Variants in MYO5A observed in about 807,000 individuals in gnomAD.
The protein encoded by MYO5A is myosin VA.
In MYO5A, 98 loss-of-function variants were observed where a neutral mutation model predicts 249.7. That is an observed-to-expected ratio of 0.39 (90% confidence interval 0.33 to 0.46). The LOEUF (loss-of-function observed/expected upper bound fraction) is 0.46, where lower values mean the gene tolerates loss of function less well. Among genes scored for constraint, MYO5A ranks in the 20% least tolerant of loss-of-function variants. The pLI is 0.98. For synonymous variants in MYO5A, 778 were observed against 810.6 expected, an observed-to-expected ratio of 0.96 and a Z score of 0.68; for missense variants, 1,696 against 2,308.8, an observed-to-expected ratio of 0.73 and a Z score of 5.44.
At chr15:52,411,028 TCA>T (rs2043225363) in intron 5 of MYO5A, among the ~76,000 whole-genome samples, 2 of 152,250 alleles carry the variant, frequency 1.3e-5, no homozygotes, top group African/African-American at 4.8e-5. Flanking sequence ...AGACCTGAAC[TCA>T]GAGGTTAGAA....
chr15:52,472,047 G>A (rs191096218), intron 1 of MYO5A, among the ~76,000 whole-genome samples: 1 of 151,536 alleles, frequency 6.6e-6, no homozygotes, highest in East Asian at 1.9e-4. Context: ...CTGCCTCTTG[G>A]TCGGCAGAAG....
intron 9 of MYO5A, among the ~76,000 whole-genome samples, chr15:52,401,864 G>A (rs1318237792): frequency 6.6e-6 from 1 of 152,068 alleles, no homozygotes; most frequent in Non-Finnish European, 1.5e-5. Flanking sequence ...GTCCTATCTT[G>A]CATTTTGGAC....
chr15:52,396,782 T>C (rs1163837172), intron 10 of MYO5A, among the ~76,000 whole-genome samples: 2 of 152,128 alleles, frequency 1.3e-5, no homozygotes, highest in African/African-American at 4.8e-5. Context: ...GGAACAGAGA[T>C]CCTACAGGTT....
chr15:52,449,742 G>A (rs943274340), intron 1 of MYO5A, among the ~76,000 whole-genome samples: 13 of 152,180 alleles, frequency 8.5e-5, no homozygotes, highest in Non-Finnish European at 1.9e-4. Context: ...GCTCATGCCT[G>A]TAATCCCAGC....
intron 1 of MYO5A, among the ~76,000 whole-genome samples, chr15:52,519,820 TC>T (rs909568274): frequency 6.6e-6 from 1 of 151,890 alleles, no homozygotes; most frequent in Non-Finnish European, 1.5e-5. Flanking sequence ...AACCTCTGCT[TC>T]CCGGGTTCAA....
intron 1 of MYO5A, among the ~76,000 whole-genome samples, chr15:52,518,666 T>A (rs1286542518): frequency 6.6e-6 from 1 of 152,212 alleles, no homozygotes; most frequent in Non-Finnish European, 1.5e-5. Flanking sequence ...ATCATATCTT[T>A]AAAGGAATAT....
At chr15:52,515,009 G>A (rs1191164621) in intron 1 of MYO5A, among the ~76,000 whole-genome samples, 3 of 152,168 alleles carry the variant, frequency 2.0e-5, no homozygotes, top group African/African-American at 7.2e-5. Flanking sequence ...TGAGTATGGT[G>A]GCTCACACCT....
chr15:52,403,326 A>C lies in MYO5A; in HGVS notation c.1053+1961T>G, dbSNP rs564518088. The stretch of plus-strand genomic sequence containing the variant: ...AGGTGAAACAACTCAAATATCCAAC[A>C]ATCAACCAGTGGATAAACAAAATAT... On this transcript the variant is annotated intron_variant, in intron 9 of 41. Coordinates refer to ENST00000399233, the MANE Select transcript of MYO5A (RefSeq NM_001382347.1). 3.3e-5 allele frequency among the ~76,000 whole-genome samples: 5 copies of C among 152,340 alleles called. No homozygotes were observed. The East Asian group carries it at 9.6e-4, about 29-fold the overall frequency.
chr15:52,385,624 A>C (rs1022326393), intron 14 of MYO5A, among the ~76,000 whole-genome samples: 4 of 152,278 alleles, frequency 2.6e-5, no homozygotes, highest in Admixed American at 2.6e-4. Context: ...TGCAGGAAAA[A>C]AAAAGACAAA....
intron 8 of MYO5A, among the ~76,000 whole-genome samples, 174 bp downstream of exon 8, chr15:52,407,118 T>A (rs1465334495): frequency 6.6e-6 from 1 of 152,212 alleles, no homozygotes; most frequent in Admixed American, 6.5e-5. Context: ...AACAGTTCCA[T>A]CATCCCAAAA....
chr15:52,313,953 G>A, intron 41 of MYO5A, 105 bp from the exon 42 acceptor site: 2 of 1,432,924 alleles, frequency 1.4e-6, no homozygotes, highest in East Asian at 4.8e-5. Flanking sequence ...AATGAAGAAT[G>A]TTTACTTTTG....
chr15:52,450,521 T>C (rs1031791729), intron 1 of MYO5A, among the ~76,000 whole-genome samples: 4 of 150,602 alleles, frequency 2.7e-5, no homozygotes, highest in Admixed American at 1.3e-4. Flanking sequence ...ATACAAAAAT[T>C]AGTTGGGCAT....
intron 1 of MYO5A, among the ~76,000 whole-genome samples, chr15:52,472,833 A>T (rs2076505030): frequency 6.6e-6 from 1 of 152,238 alleles, no homozygotes; most frequent in Admixed American, 6.5e-5. Context: ...TGCTATTGTG[A>T]ATAGTACCTC....
chr15:52,397,194 T>C lies in MYO5A; in HGVS notation c.1319+7A>G, dbSNP rs1567086760. On this transcript the variant is annotated splice_region_variant and intron_variant, in intron 10 of 41. Transcript: ENST00000399233. ...CTCTGGCAGACCAATTAGCCAAATA[T>C]ACTCACCCGTAAATGTCTAGCACAC... 1.2e-6 allele frequency: 2 copies of C among 1,613,822 alleles called. No homozygotes were observed. The highest frequency in any genetic ancestry group is 2.2e-5 in the East Asian group (1 of 44,862).
intron 1 of MYO5A, among the ~76,000 whole-genome samples, chr15:52,489,448 C>A (rs1567173879): frequency 1.3e-5 from 2 of 152,004 alleles, no homozygotes; most frequent in Admixed American, 1.3e-4. Context: ...CCTGTAGTCC[C>A]AGCTACTCGG....
chr15:52,313,733 G>A lies in MYO5A; in HGVS notation c.5606C>T (p.Pro1869Leu). ...SSLALETIQI[P>L]ASLGLGFISR... ...AATGAAGCCCAGGCCGAGGCTGGCTGGAATCTGGATGGTTTCTAGTGCGAG... is the reference window on the plus strand; with the variant it reads ...AATGAAGCCCAGGCCGAGGCTGGCTAGAATCTGGATGGTTTCTAGTGCGAG... Residue 1869 changes from proline to leucine, a missense_variant, in exon 42 of 42, where the codon CCA becomes CTA. Pro to Leu is a moderately conservative substitution (Grantham distance 98). Transcript: ENST00000399233. 1.2e-6 allele frequency: 2 copies of A among 1,614,170 alleles called. No individual in the cohort carries two copies. Among genetic ancestry groups the A allele is most frequent in the Non-Finnish European group, 1.7e-6 (2 of 1,180,046 alleles).
chr15:52,327,490 T>C (rs2038665389), intron 36 of MYO5A, among the ~76,000 whole-genome samples: 2 of 152,146 alleles, frequency 1.3e-5, no homozygotes, highest in Admixed American at 1.3e-4. Flanking sequence ...GGAGGATCAC[T>C]TGAGCCTAGG....
chr15:52,483,211 T>A (rs1337511963), intron 1 of MYO5A, among the ~76,000 whole-genome samples: 1 of 152,206 alleles, frequency 6.6e-6, no homozygotes, highest in Non-Finnish European at 1.5e-5. Flanking sequence ...ATGGCTCACT[T>A]AAACATTGCT....
intron 1 of MYO5A, among the ~76,000 whole-genome samples, chr15:52,478,786 A>G (rs926474578): frequency 5.9e-5 from 9 of 152,328 alleles, no homozygotes; most frequent in African/African-American, 2.2e-4. Context: ...GGGGATGGTT[A>G]GTGTCACACA....
Sources: allele counts gnomAD v4.1 joint callset (sites outside exome capture counted in the v4.1 genomes callset), GRCh38; gene constraint gnomAD v4.1.1; transcripts MANE v1.5; gene names NCBI Gene and HGNC (gene_info 2026-07-23, HGNC 2026-07-21).